TERB1: variants seen among roughly 807,000 people sequenced by gnomAD.
TERB1 encodes telomere repeat binding bouquet formation protein 1.
Under a neutral mutation model 92.3 loss-of-function variants are expected in TERB1, and 63 were observed. That is an observed-to-expected ratio of 0.68 (90% confidence interval 0.56 to 0.84). The LOEUF is 0.84. Among genes scored for constraint, TERB1 ranks in the 40% least tolerant of loss-of-function variants. The pLI, the probability that TERB1 is intolerant of heterozygous loss-of-function variation, is 0.00. For synonymous variants in TERB1, 252 were observed against 283.9 expected, an observed-to-expected ratio of 0.89 and a Z score of 1.13; for missense variants, 709 against 843.7, an observed-to-expected ratio of 0.84 and a Z score of 1.98.
intron 13 of TERB1, among the ~76,000 whole-genome samples, chr16:66,772,103 T>C (rs2018462944): frequency 6.6e-6 from 1 of 152,212 alleles, no homozygotes; most frequent in African/African-American, 2.4e-5. Flanking sequence ...CCAGTATTAC[T>C]ATGGAGTTTT....
intron 16 of TERB1, among the ~76,000 whole-genome samples, chr16:66,762,661 G>A (rs1044391703): frequency 2.0e-5 from 3 of 151,002 alleles, no homozygotes; most frequent in African/African-American, 7.3e-5. Context: ...TGGGATTACA[G>A]GTGTGAACCA....
At chr16:66,785,315 T>A (rs922246845) in intron 9 of TERB1, among the ~76,000 whole-genome samples, 1 of 152,214 alleles carries the variant, frequency 6.6e-6, no homozygotes, top group African/African-American at 2.4e-5. Context: ...AGTGCTGGGA[T>A]TATAGGCGTG....
rs976966634 is a variant in TERB1, at chr16:66,755,048, T to C, written c.2112A>G (p.Gln704=). 107 of 1,551,706 alleles carry C rather than the reference T, an allele frequency of 6.9e-5. No homozygotes were observed. The African/African-American group carries it at 1.1e-3, about 16-fold the overall frequency. The change falls in exon 19 of 19, where the codon CAA becomes CAG. Residue 704 remains glutamine, a synonymous_variant. Coordinates refer to ENST00000433154, the MANE Select transcript of TERB1 (RefSeq NM_001136505.2). The stretch of plus-strand genomic sequence containing the variant: ...GAGCAAGGTCCACAGCCTTCCGTCC[T>C]TGCTGAAAGGGGAAAGACCACAAAA... The part of the protein sequence containing the change: ...NSILWSFPFQ[Q]GRKAVDLAHK...
At chr16:66,799,900 G>GT (rs1959228925) in intron 2 of TERB1, 1 of 152,110 alleles carries the variant, frequency 6.6e-6, no homozygotes, top group South Asian at 2.1e-4. Context: ...ATTCTTTACT[G>GT]TATTCTCACA....
intron 9 of TERB1, among the ~76,000 whole-genome samples, chr16:66,779,810 A>G (rs1597019310): frequency 6.6e-6 from 1 of 152,212 alleles, no homozygotes; most frequent in East Asian, 1.9e-4. Flanking sequence ...AAAAGAGCAT[A>G]CATCTCATCC....
intron 6 of TERB1, among the ~76,000 whole-genome samples, chr16:66,787,283 C>CTTTTTTTTTT (rs58213946): frequency 1.5e-5 from 2 of 137,890 alleles, no homozygotes; most frequent in East Asian, 2.2e-4. Context: ...TTTTCTTTTT[C>CTTTTTTTTTT]TTTTTTTTTT....
rs572561841 is a variant in TERB1, at chr16:66,786,390, T to G, written c.401-105A>C. 1,001 of 797,220 alleles carry G rather than the reference T, an allele frequency of 1.3e-3. 4 individuals are homozygous for G. Among genetic ancestry groups the G allele is most frequent in the Non-Finnish European group, 1.7e-3 (866 of 499,050 alleles). 49.4% of individuals were successfully genotyped at this position (797,220 alleles called of 1,614,324 possible). On this transcript the variant is annotated intron_variant, in intron 6 of 18. Transcript: ENST00000433154. ...TTAATAAATAACTTTTAAACAACTT[T>G]AAAGTATTACAAAGTATAACATAGA...
In TERB1 at chr16:66,790,909, T is replaced by A. The variant is rs1284663453; in HGVS notation, c.142A>T (p.Ser48Cys). 2 of 1,535,684 alleles carry A rather than the reference T, an allele frequency of 1.3e-6. No individual in the cohort carries two copies. The highest frequency in any genetic ancestry group is 1.8e-6 in the Non-Finnish European group (2 of 1,134,722). ...ATAAAAATTCACTATTATATCTTAC[T>A]GTTTTGTTGACAAATTGAATGAATA... ...VTIHSICQQN[S>C]NASVYFREIG... is the part of the protein sequence containing the mutation. Residue 48 changes from serine to cysteine, a missense_variant and splice_region_variant, in exon 4 of 19, where the codon AGT becomes TGT. By Grantham distance (112) the Ser-to-Cys change is moderately radical. Transcript: ENST00000433154.
intron 12 of TERB1, among the ~76,000 whole-genome samples, chr16:66,774,683 CTT>C (rs1555508412): frequency 6.2e-4 from 25 of 40,174 alleles, no homozygotes; most frequent in Non-Finnish European, 6.4e-4. Flanking sequence ...CTCTGATTTT[CTT>C]TTTTTTTTTT....
chr16:66,784,868 T>C (rs2018700849), intron 9 of TERB1, among the ~76,000 whole-genome samples: 1 of 150,274 alleles, frequency 6.7e-6, no homozygotes, highest in African/African-American at 2.5e-5. Flanking sequence ...CCTGAGTAGC[T>C]AGGATTACAG....
At chr16:66,782,321 G>T (rs879655851) in intron 9 of TERB1, among the ~76,000 whole-genome samples, 6 of 152,090 alleles carry the variant, frequency 3.9e-5, no homozygotes, top group Non-Finnish European at 7.4e-5. Flanking sequence ...AGGCCAAGGC[G>T]GGAGGATCAC....
chr16:66,779,103 T>C, intron 9 of TERB1, 88 bp from the exon 10 acceptor site: 1 of 1,015,670 alleles, frequency 9.8e-7, no homozygotes, highest in Non-Finnish European at 1.3e-6. Flanking sequence ...AATATAACAT[T>C]GACCTTTTCA....
chr16:66,781,535 T>TC (rs1348667805), intron 9 of TERB1, among the ~76,000 whole-genome samples: 2 of 150,244 alleles, frequency 1.3e-5, no homozygotes, highest in Non-Finnish European at 3.0e-5. Context: ...TTTTTTTTTT[T>TC]TTGAGACAGA....
intron 14 of TERB1, among the ~76,000 whole-genome samples, 190 bp downstream of exon 14, chr16:66,769,773 G>T (rs986914660): frequency 2.0e-5 from 3 of 152,004 alleles, no homozygotes; most frequent in African/African-American, 7.3e-5. Context: ...ACATTGCAGG[G>T]CCCTAGATTA....
chr16:66,758,993 T>C (rs1196568691), intron 17 of TERB1, 148 bp downstream of exon 17: 1 of 921,442 alleles, frequency 1.1e-6, no homozygotes, highest in Non-Finnish European at 1.6e-6. Context: ...GACTACTCCC[T>C]GGGTACATCT....
In TERB1 at chr16:66,759,158, G is replaced by T; in HGVS notation, c.1913C>A (p.Ser638Ter). 6.5e-7 allele frequency: 1 copy of T among 1,542,760 alleles called. No homozygotes were observed. The highest frequency in any genetic ancestry group is 8.7e-7 in the Non-Finnish European group (1 of 1,144,774). Residue 638 changes from serine to a stop codon, truncating the protein, a stop_gained, in exon 17 of 19, where the codon TCA (serine) becomes TAA (stop). Coordinates refer to ENST00000433154, the MANE Select transcript of TERB1 (RefSeq NM_001136505.2). LOFTEE classifies it high-confidence loss of function. ...EDRYKSELRK[S>*]LICNKKILLT... Reference sequence around the variant, plus strand: ...TTAATTACTTTTGTTACAGATAAGTGATTTCCTTAGTTCACTTTTATATCT... The same window carrying T: ...TTAATTACTTTTGTTACAGATAAGTTATTTCCTTAGTTCACTTTTATATCT...
intron 16 of TERB1, among the ~76,000 whole-genome samples, chr16:66,763,728 TTAAAA>T (rs1311013184): frequency 6.6e-6 from 1 of 152,104 alleles, no homozygotes; most frequent in African/African-American, 2.4e-5. Flanking sequence ...ATCCCTGAAC[TTAAAA>T]TAAAAGTTGG....
At chr16:66,776,297 C>A (rs1427782990) in intron 11 of TERB1, among the ~76,000 whole-genome samples, 3 of 150,026 alleles carry the variant, frequency 2.0e-5, no homozygotes, top group Non-Finnish European at 4.4e-5. Context: ...CCGCTGCACT[C>A]CAGCCTGGGC....
intron 2 of TERB1, among the ~76,000 whole-genome samples, chr16:66,800,773 AAC>A (rs2145284719): frequency 6.6e-6 from 1 of 152,304 alleles, no homozygotes; most frequent in African/African-American, 2.4e-5. Context: ...GTCAAGAAAT[AAC>A]AGTCATTCAG....
Sources: gnomAD v4.1 joint callset for allele counts (sites outside exome capture counted in the v4.1 genomes callset) on GRCh38, gnomAD v4.1.1 for gene constraint, MANE v1.5 for transcripts, NCBI Gene and HGNC (gene_info 2026-07-23, HGNC 2026-07-21) for gene names.